Variants in CNBD1 observed in about 807,000 individuals in gnomAD.
CNBD1 encodes cyclic nucleotide binding domain containing 1.
Under a neutral mutation model 54.4 loss-of-function variants are expected in CNBD1, and 71 were observed. The observed-to-expected ratio is 1.30, with a 90% confidence interval of 1.08 to 1.59. CNBD1 has a LOEUF of 1.59. Ranked by LOEUF, CNBD1 falls within the 40% of genes most tolerant of loss-of-function variation. CNBD1 has a pLI of 0.00. For missense variants in CNBD1, 659 were observed against 518.0 expected, an observed-to-expected ratio of 1.27 and a Z score of -2.64; for synonymous variants, 182 against 170.7, an observed-to-expected ratio of 1.07 and a Z score of -0.51.
intron 4 of CNBD1, among the ~76,000 whole-genome samples, chr8:87,015,977 C>CAAAAA (rs58453987): frequency 5.2e-4 from 29 of 55,942 alleles, no homozygotes; most frequent in African/African-American, 7.6e-4. Flanking sequence ...GAATCCGTCT[C>CAAAAA]AAAAAAAAAA....
intron 4 of CNBD1, among the ~76,000 whole-genome samples, chr8:86,957,509 C>T (rs1008463909): frequency 1.3e-5 from 2 of 152,176 alleles, no homozygotes; most frequent in Non-Finnish European, 2.9e-5. Flanking sequence ...ATTTCAGATC[C>T]TGTTATTGGT....
intron 5 of CNBD1, among the ~76,000 whole-genome samples, chr8:87,224,462 G>A (rs1250170966): frequency 2.0e-5 from 3 of 151,040 alleles, no homozygotes; most frequent in African/African-American, 7.3e-5. Flanking sequence ...TCTACATATG[G>A]CTAGCCAGTT....
chr8:87,037,059 C>T (rs544979597), intron 4 of CNBD1, among the ~76,000 whole-genome samples: 104 of 151,686 alleles, frequency 6.9e-4, no homozygotes, highest in Non-Finnish European at 1.2e-3. Context: ...TTTGCGACCT[C>T]GAATATAAAA....
chr8:87,352,066 C>G (rs1205607155), intron 9 of CNBD1, among the ~76,000 whole-genome samples: 1 of 152,082 alleles, frequency 6.6e-6, no homozygotes, highest in East Asian at 1.9e-4. Flanking sequence ...CAAGTTAAAA[C>G]CATAGCCAGG....
intron 4 of CNBD1, among the ~76,000 whole-genome samples, chr8:87,087,262 C>CATATATATAT (rs960920154): frequency 1.5e-5 from 2 of 135,102 alleles, no homozygotes; most frequent in Non-Finnish European, 3.1e-5. Context: ...TATATATATA[C>CATATATATAT]ATATATATAT....
chr8:87,051,309 C>A (rs2130623938), intron 4 of CNBD1, among the ~76,000 whole-genome samples: 1 of 152,246 alleles, frequency 6.6e-6, no homozygotes, highest in African/African-American at 2.4e-5. Flanking sequence ...TTCTTGCCTT[C>A]CACCTCCAGA....
chr8:87,132,438 G>T (rs946922133), intron 4 of CNBD1, among the ~76,000 whole-genome samples: 1 of 150,960 alleles, frequency 6.6e-6, no homozygotes, highest in African/African-American at 2.4e-5. Context: ...ACAGAGAAAA[G>T]AAAAAGATTT....
At chr8:87,088,529 A>C (rs764189117) in intron 4 of CNBD1, among the ~76,000 whole-genome samples, 1 of 152,182 alleles carries the variant, frequency 6.6e-6, no homozygotes, top group African/African-American at 2.4e-5. Context: ...ATGCCAAGTA[A>C]TTTAACTTTT....
intron 8 of CNBD1, among the ~76,000 whole-genome samples, chr8:87,332,135 G>A (rs1430857923): frequency 6.6e-6 from 1 of 152,120 alleles, no homozygotes; most frequent in Admixed American, 6.6e-5. Flanking sequence ...ATCGTTTGAG[G>A]TCAGGAGTTC....
At chr8:87,111,218 A>G (rs1291418035) in intron 4 of CNBD1, among the ~76,000 whole-genome samples, 2 of 152,178 alleles carry the variant, frequency 1.3e-5, no homozygotes, top group Non-Finnish European at 2.9e-5. Flanking sequence ...AATCAGTGTG[A>G]GGGTTCTGAC....
rs183812013 is a variant in CNBD1, at chr8:86,931,185, T to G, written c.273-8411T>G. Among the ~76,000 whole-genome samples, 238 of 152,208 alleles carry G rather than the reference T, an allele frequency of 1.6e-3. No individual in the cohort carries two copies. In the Middle Eastern group the frequency reaches 0.017, roughly 11 times the overall value. ...ACAGGCTGTCCCGGGATTCCTCAGA[T>G]GGTAATGGACCTTGAGGACAAGGTC... On this transcript the variant is annotated intron_variant, in intron 3 of 10. Coordinates refer to ENST00000518476, the MANE Select transcript of CNBD1 (RefSeq NM_173538.3).
chr8:87,263,375 C>T (rs1048288885), intron 6 of CNBD1, among the ~76,000 whole-genome samples: 19 of 151,926 alleles, frequency 1.3e-4, no homozygotes, highest in African/African-American at 4.6e-4. Context: ...ACTTGGTATG[C>T]ATAATTTGAA....
chr8:87,208,978 A>G (rs1011956911), intron 5 of CNBD1, among the ~76,000 whole-genome samples: 3 of 152,122 alleles, frequency 2.0e-5, no homozygotes, highest in African/African-American at 7.2e-5. Context: ...TTATTTAACA[A>G]CTAAAAATAT....
chr8:87,396,128 A>G (rs1811405378), intron 2 of CNBD1, among the ~76,000 whole-genome samples: 1 of 151,904 alleles, frequency 6.6e-6, no homozygotes, highest in African/African-American at 2.4e-5. Context: ...ATGAATGACT[A>G]TGTATAGAAG....
At chr8:87,174,148 T>C (rs1343387406) in intron 4 of CNBD1, among the ~76,000 whole-genome samples, 8 of 151,828 alleles carry the variant, frequency 5.3e-5, no homozygotes, top group African/African-American at 1.9e-4. Flanking sequence ...TTAGTAGAGA[T>C]GGGGTTTCAC....
Position 87,226,670 on chromosome 8 carries a change from C to T in CNBD1, c.578-10249C>T, listed in dbSNP as rs1012323748. Among the ~76,000 whole-genome samples the T allele has an allele frequency of 1.3e-3, 191 of 151,796 alleles. 1 individual carries two copies. The highest frequency in any genetic ancestry group is 4.4e-3 in the African/African-American group (180 of 41,228). On this transcript the variant is annotated intron_variant, in intron 5 of 10. Transcript: ENST00000518476. ...AGAGCTTTACTTCCAACTATGTGGT[C>T]AATTTTGGAATAGGTGTGGTGTGGT...
intron 6 of CNBD1, among the ~76,000 whole-genome samples, chr8:87,256,015 A>ATACATAT (rs1563526157): frequency 6.3e-5 from 1 of 15,786 alleles, no homozygotes; most frequent in Non-Finnish European, 1.0e-4. Flanking sequence ...ATATATATAT[A>ATACATAT]TTTTTTTTTT....
rs111975861 is a variant in CNBD1 at position 86,878,500 on chromosome 8, T to C, written c.89-9042T>C. On this transcript the variant is annotated intron_variant, in intron 1 of 10. Transcript: ENST00000518476. ...AGTTATTTGGCCATGATCTATTTCT[T>C]TTCAGTGACTGAGATCAGCTGCTTC... Among the ~76,000 whole-genome samples the C allele has an allele frequency of 9.9e-3, 1,506 of 152,246 alleles. 11 individuals carry two copies. The highest frequency in any genetic ancestry group is 0.033 in the South Asian group (158 of 4,820).
intron 4 of CNBD1, among the ~76,000 whole-genome samples, chr8:86,953,444 A>G (rs2130452214): frequency 6.6e-6 from 1 of 152,326 alleles, no homozygotes; most frequent in East Asian, 1.9e-4. Flanking sequence ...ACCTAACACA[A>G]TAACCCTAAT....
Sources: allele counts gnomAD v4.1 joint callset (sites outside exome capture counted in the v4.1 genomes callset), GRCh38; gene constraint gnomAD v4.1.1; transcripts MANE v1.5; gene names NCBI Gene and HGNC (gene_info 2026-07-23, HGNC 2026-07-21).